TRIM11: variants seen among roughly 807,000 people sequenced by gnomAD.
TRIM11 encodes E3 ubiquitin-protein ligase TRIM11.
Under a neutral mutation model 33.4 loss-of-function variants are expected in TRIM11, and 15 were observed. That is an observed-to-expected ratio of 0.45 (90% CI 0.30 to 0.69). The LOEUF is 0.69. Ranked by LOEUF, TRIM11 falls within the 30% of genes least tolerant of loss-of-function variation. The pLI, the probability that TRIM11 is intolerant of heterozygous loss-of-function variation, is 0.08. For missense variants in TRIM11, 499 were observed against 667.6 expected (o/e 0.75, Z 2.78); for synonymous variants, 281 against 302.6 (o/e 0.93, Z 0.74).
In TRIM11 at chr1:228,401,218, AG is replaced by A. The variant is rs1404051626; in HGVS notation, c.505-25del. 2 of 1,605,076 alleles carry A rather than the reference AG, an allele frequency of 1.2e-6. No homozygotes were observed. The highest frequency in any genetic ancestry group is 1.7e-6 in the Non-Finnish European group (2 of 1,174,852). On this transcript the variant is annotated intron_variant, in intron 2 of 5. Coordinates refer to ENST00000284551, the MANE Select transcript of TRIM11 (RefSeq NM_145214.3). This position sits in a 1 kb window ranked among gnomAD's most constrained non-coding sequence, Gnocchi z 6.1. The stretch of plus-strand genomic sequence containing the variant: ...TTCTGTGGAGCCCAGGGAGAAGGAC[AG>A]CTGAGGCCAGACCCCAGGCCCAGCC...
intron 1 of TRIM11, chr1:228,404,223 A>G (rs1656322905): frequency 6.6e-6 from 1 of 152,250 alleles, no homozygotes; most frequent in African/African-American, 2.4e-5. Flanking sequence ...CTGACACACA[A>G]CCCAGAGAGA....
Position 228,395,394 on chromosome 1 carries a change from G to A in TRIM11, c.860-142C>T, listed in dbSNP as rs1181365540. 1 of 790,698 alleles carries A rather than the reference G, an allele frequency of 1.3e-6. No individual in the cohort carries two copies. Among genetic ancestry groups the A allele is most frequent in the African/African-American group, 1.8e-5 (1 of 56,498 alleles). 49.0% of individuals were successfully genotyped at this position (790,698 alleles called of 1,614,324 possible). A position where few individuals can be genotyped will look rare whatever the true frequency, so the allele number is the denominator to read the frequency against. On this transcript the variant is annotated intron_variant, in intron 5 of 5. Transcript: ENST00000284551. This position sits in a 1 kb window ranked among gnomAD's most constrained non-coding sequence, Gnocchi z 4.8. ...TGGGCCTGTAGCCTCACAACCTCCT[G>A]GAGTAACTAACTGTCTCCAAGTGGA... is the stretch of plus-strand genomic sequence containing the variant.
intron 5 of TRIM11, chr1:228,396,375 C>A: frequency 2.3e-6 from 1 of 435,456 alleles, no homozygotes; most frequent in Admixed American, 3.8e-5. Context: ...GGTTGGTGAG[C>A]ACACTGAGGT....
Position 228,406,484 on chromosome 1 carries a change from C to T in TRIM11, c.78G>A (p.Pro26=). The T allele has an allele frequency of 6.3e-7, 1 of 1,589,576 alleles. No homozygotes were observed. Among genetic ancestry groups the T allele is most frequent in the Non-Finnish European group, 8.5e-7 (1 of 1,171,122 alleles). ...CAICLDYFTD[P]VMTDCGHNFC... ...AGTTGTGGCCGCAGTCGGTCATCAC[C>T]GGATCCGTGAAGTAGTCGAGGCAGA... is the stretch of plus-strand genomic sequence containing the variant. The change falls in exon 1 of 6, where the codon CCG becomes CCA. Residue 26 remains proline, a synonymous_variant. Coordinates refer to ENST00000284551, the MANE Select transcript of TRIM11 (RefSeq NM_145214.3). The surrounding 1 kb of genome is among the most constrained non-coding windows in gnomAD (Gnocchi z 8.2).
intron 1 of TRIM11, chr1:228,405,518 GGGTTTTATTT>G (rs1285358718): frequency 2.6e-5 from 4 of 152,238 alleles, no homozygotes; most frequent in African/African-American, 9.7e-5. Flanking sequence ...CCTTCAGCTC[GGGTTTTATTT>G]GGGTTTTAAG....
At position 228,406,728 on chromosome 1, in the gene TRIM11, C is replaced by G; in HGVS notation, c.-167G>C. 7.2e-6 allele frequency: 4 copies of G among 556,510 alleles called. No individual in the cohort carries two copies. The highest frequency in any genetic ancestry group is 1.1e-5 in the Non-Finnish European group (4 of 367,572). 34.5% of individuals were successfully genotyped at this position (556,510 alleles called of 1,614,324 possible). A position where few individuals can be genotyped will look rare whatever the true frequency, so the allele number is the denominator to read the frequency against. ...CTCGGGCTCCGGGGCGCGGGGACTC[C>G]AGGGCGCAGGACTCTGGGTTTCGGT... On this transcript the variant is annotated 5_prime_UTR_variant, in exon 1 of 6. Transcript: ENST00000284551. This position sits in a 1 kb window ranked among gnomAD's most constrained non-coding sequence, Gnocchi z 8.2.
chr1:228,397,257 C>T, intron 3 of TRIM11, 92 bp from the exon 4 acceptor site: 4 of 1,466,972 alleles, frequency 2.7e-6, no homozygotes, highest in Non-Finnish European at 3.7e-6. Context: ...CGCCCCGTCC[C>T]CCTCTCCTAC....
At position 228,399,756 on chromosome 1, in the gene TRIM11, C is replaced by A. The variant is rs112541111; in HGVS notation, c.735+1208G>T. 6.1e-3 allele frequency among the ~76,000 whole-genome samples: 934 copies of A among 151,982 alleles called. 5 individuals are homozygous for A. The highest frequency in any genetic ancestry group is 0.02 in the African/African-American group (827 of 41,444). On this transcript the variant is annotated intron_variant, in intron 3 of 5. Transcript: ENST00000284551. Reference sequence around the variant, plus strand: ...CAGCTGATGTCCAAGCTGGTGCACGCGGCACACGGAGTGGAGGAGCAGATG... The same window carrying A: ...CAGCTGATGTCCAAGCTGGTGCACGAGGCACACGGAGTGGAGGAGCAGATG...
chr1:228,398,660 G>A (rs1457476205), intron 3 of TRIM11, among the ~76,000 whole-genome samples: 1 of 152,118 alleles, frequency 6.6e-6, no homozygotes, highest in Non-Finnish European at 1.5e-5. Context: ...ACTCTTGGTA[G>A]GGTTCTGAAG....
chr1:228,400,927 C>T lies in TRIM11; in HGVS notation c.735+37G>A. On this transcript the variant is annotated intron_variant, in intron 3 of 5. Coordinates refer to ENST00000284551, the MANE Select transcript of TRIM11 (RefSeq NM_145214.3). This position sits in a 1 kb window ranked among gnomAD's most constrained non-coding sequence, Gnocchi z 4.5. The stretch of plus-strand genomic sequence containing the variant: ...CTCCCCCAGTGTGGCCAGGCCATGC[C>T]CGTGTGGCCACCATGGCTGCTCCCC... 4 of 1,503,318 alleles carry T rather than the reference C, an allele frequency of 2.7e-6. No individual in the cohort carries two copies. Among genetic ancestry groups the T allele is most frequent in the Admixed American group, 4.2e-5 (2 of 47,416 alleles). The allele number at this position is 1,503,318 out of a possible 1,614,324, so 93.1% of individuals were successfully genotyped here.
rs918177081 is a variant in TRIM11, at chr1:228,395,076, C to T, written c.1036G>A (p.Val346Met). The T allele has an allele frequency of 4.4e-6, 7 of 1,608,894 alleles. No homozygotes were observed. In the Admixed American group the frequency reaches 1.0e-4, roughly 23 times the overall value. The change falls in exon 6 of 6, where the codon GTG (valine) becomes ATG (methionine). Residue 346 changes from valine (V) to methionine (M), a missense_variant. Coordinates refer to ENST00000284551, the MANE Select transcript of TRIM11 (RefSeq NM_145214.3). The surrounding 1 kb of genome is among the most constrained non-coding windows in gnomAD (Gnocchi z 4.8). ...CAGCTGGTGCGGTCCCCAACCTCCA[C>T]CTCCCAGTAGTGGCGGCCTGAGGTG... The part of the protein sequence containing the change: ...RFTSGRHYWE[V>M]EVGDRTSWAL...
rs1224771900 is a variant in TRIM11, at chr1:228,401,289, C to T, written c.505-95G>A. Reference sequence around the variant, plus strand: ...ACCCCAAGCCCACCCAGAGGCCTGGCTGCACCCAACCCCACCCCCGGGGCC... The same window carrying T: ...ACCCCAAGCCCACCCAGAGGCCTGGTTGCACCCAACCCCACCCCCGGGGCC... On this transcript the variant is annotated intron_variant, in intron 2 of 5. Transcript: ENST00000284551. This position sits in a 1 kb window ranked among gnomAD's most constrained non-coding sequence, Gnocchi z 6.1. 7 of 1,445,156 alleles carry T rather than the reference C, an allele frequency of 4.8e-6. No individual in the cohort carries two copies. In the Admixed American group the frequency reaches 9.2e-5, roughly 19 times the overall value. The allele number at this position is 1,445,156 out of a possible 1,614,324, so 89.5% of individuals were successfully genotyped here. A position where few individuals can be genotyped will look rare whatever the true frequency, so the allele number is the denominator to read the frequency against.
In TRIM11 at chr1:228,401,652, C is replaced by T. The variant is rs1656229660; in HGVS notation, c.504+414G>A. Among the ~76,000 whole-genome samples the T allele has an allele frequency of 6.6e-6, 1 of 152,026 alleles. No homozygotes were observed. The highest frequency in any genetic ancestry group is 2.4e-5 in the African/African-American group (1 of 41,376). Reference sequence around the variant, plus strand: ...TTCTCCCCTGGGGCTTCCCAGATCCCAAATCCACCACCCAGAGCCTCCCAG... The same window carrying T: ...TTCTCCCCTGGGGCTTCCCAGATCCTAAATCCACCACCCAGAGCCTCCCAG... On this transcript the variant is annotated intron_variant, in intron 2 of 5. Coordinates refer to ENST00000284551, the MANE Select transcript of TRIM11 (RefSeq NM_145214.3). The surrounding 1 kb of genome is among the most constrained non-coding windows in gnomAD (Gnocchi z 6.1).
In TRIM11 at chr1:228,406,270, G is replaced by C; in HGVS notation, c.292C>G (p.Pro98Ala). 6.7e-7 allele frequency: 1 copy of C among 1,494,504 alleles called. No individual in the cohort carries two copies. The highest frequency in any genetic ancestry group is 8.9e-7 in the Non-Finnish European group (1 of 1,128,660). The allele number at this position is 1,494,504 out of a possible 1,614,324, so 92.6% of individuals were successfully genotyped here. A position where few individuals can be genotyped will look rare whatever the true frequency, so the allele number is the denominator to read the frequency against. Residue 98 changes from proline (P) to alanine (A), a missense_variant, in exon 1 of 6, where the codon CCA (proline) becomes GCA (alanine). Pro to Ala is a conservative substitution (Grantham distance 27). Transcript: ENST00000284551. The surrounding 1 kb of genome is among the most constrained non-coding windows in gnomAD (Gnocchi z 8.2). Reference sequence around the variant, plus strand: ...TCGTCGCCACAGAAGGCGGCCAGTGGCTCGCGGTGCGCGGGGCACACGCCC... The same window carrying C: ...TCGTCGCCACAGAAGGCGGCCAGTGCCTCGCGGTGCGCGGGGCACACGCCC... The part of the protein sequence containing the change: ...PQGVCPAHRE[P>A]LAAFCGDELR...
At chr1:228,398,016 C>T (rs2075001543) in intron 3 of TRIM11, among the ~76,000 whole-genome samples, 1 of 152,180 alleles carries the variant, frequency 6.6e-6, no homozygotes. Flanking sequence ...CTGGGGAAGC[C>T]TCCTGGCAGG....
In TRIM11 at chr1:228,401,842, G is replaced by A. The variant is rs949440883; in HGVS notation, c.504+224C>T. Among the ~76,000 whole-genome samples the A allele has an allele frequency of 2.6e-5, 4 of 152,290 alleles. No individual in the cohort carries two copies. Among genetic ancestry groups the A allele is most frequent in the Admixed American group, 1.3e-4 (2 of 15,304 alleles). On this transcript the variant is annotated intron_variant, in intron 2 of 5. Transcript: ENST00000284551. The surrounding 1 kb of genome is among the most constrained non-coding windows in gnomAD (Gnocchi z 6.1). ...CCCAAGCATGCTGGGACCCCAGGATGGGGCCCTTGCAGTATGGGAGCCCAC... is the reference window on the plus strand; with the variant it reads ...CCCAAGCATGCTGGGACCCCAGGATAGGGCCCTTGCAGTATGGGAGCCCAC...
chr1:228,402,628 C>T (rs983581728), intron 1 of TRIM11: 2 of 153,456 alleles, frequency 1.3e-5, no homozygotes, highest in Non-Finnish European at 2.9e-5. Flanking sequence ...CCTATGCCCC[C>T]ACAAATTCAT....
chr1:228,402,210 A>C (rs1656256389), intron 1 of TRIM11, 49 bp from the exon 2 acceptor site: 1 of 1,491,584 alleles, frequency 6.7e-7, no homozygotes, highest in African/African-American at 1.4e-5. Context: ...CTGTCACAGA[A>C]GCCTGCCCTT....
At chr1:228,397,423 G>T in intron 3 of TRIM11, 1 of 527,188 alleles carries the variant, frequency 1.9e-6, no homozygotes, top group South Asian at 3.0e-5. Context: ...GCCCACTTCT[G>T]CCTGACACTT....
Sources: allele counts gnomAD v4.1 joint callset (sites outside exome capture counted in the v4.1 genomes callset), GRCh38; gene constraint gnomAD v4.1.1; non-coding constraint Gnocchi (gnomAD v3.1); transcripts MANE v1.5; gene names NCBI Gene and HGNC (gene_info 2026-07-23, HGNC 2026-07-21).